The following LRIG2 variants were observed in gnomAD, a reference collection of about 807,000 sequenced individuals.
LRIG2 encodes leucine rich repeats and immunoglobulin like domains 2, also known as leucine-rich repeats and immunoglobulin-like domains protein 2.
A neutral mutation model predicts 107.8 loss-of-function variants in LRIG2; 93 were observed. The ratio of observed to expected loss-of-function variants is 0.86; its 90% CI spans 0.73 to 1.03. The LOEUF (loss-of-function observed/expected upper bound fraction) is 1.03. LRIG2 is among the 50% of genes least tolerant of loss of function. The pLI is 0.00. For synonymous variants in LRIG2, 471 were observed against 470.6 expected (o/e 1.00, Z -0.01); for missense variants, 1,226 against 1,296.0 (o/e 0.95, Z 0.83).
chr1:113,075,822 A>C (rs986195144), intron 1 of LRIG2, among the ~76,000 whole-genome samples: 1 of 147,010 alleles, frequency 6.8e-6, no homozygotes, highest in Non-Finnish European at 1.5e-5. Context: ...CAGCCTCCCA[A>C]GTAGCTGGGA....
chr1:113,085,763 A>G (rs377284568), intron 1 of LRIG2, among the ~76,000 whole-genome samples: 5 of 152,228 alleles, frequency 3.3e-5, no homozygotes, highest in East Asian at 3.9e-4. Context: ...ATTGATTAGA[A>G]ACAAATTTTG....
intron 13 of LRIG2, 81 bp downstream of exon 13, chr1:113,110,643 C>A: frequency 1.0e-6 from 1 of 988,924 alleles, no homozygotes; most frequent in Non-Finnish European, 1.5e-6. Flanking sequence ...GAGAATTAGA[C>A]TAAATCTGAC....
At chr1:113,090,855 ATT>A (rs1553227328) in intron 1 of LRIG2, among the ~76,000 whole-genome samples, 1 of 141,032 alleles carries the variant, frequency 7.1e-6, no homozygotes, top group Non-Finnish European at 1.6e-5. Flanking sequence ...AAACAAAAAA[ATT>A]TTTTTTTTTT....
At chr1:113,088,962 A>T (rs777879270) in intron 1 of LRIG2, among the ~76,000 whole-genome samples, 1 of 152,188 alleles carries the variant, frequency 6.6e-6, no homozygotes, top group Non-Finnish European at 1.5e-5. Context: ...CCTTGAGCTG[A>T]TACCTTGTGC....
chr1:113,084,171 C>T (rs962849907), intron 1 of LRIG2, among the ~76,000 whole-genome samples: 1 of 147,390 alleles, frequency 6.8e-6, no homozygotes, highest in African/African-American at 2.5e-5. Context: ...GCAATTTTTG[C>T]TTATTGAATG....
intron 1 of LRIG2, among the ~76,000 whole-genome samples, chr1:113,082,809 A>G (rs1220342527): frequency 1.3e-5 from 2 of 152,186 alleles, no homozygotes; most frequent in Non-Finnish European, 2.9e-5. Context: ...GCTTGCCACC[A>G]TGCCTGACTA....
In LRIG2 at chr1:113,107,598, C is replaced by T. The variant is rs1182599712; in HGVS notation, c.1318C>T (p.Leu440=). The T allele has an allele frequency of 1.9e-6, 3 of 1,606,986 alleles. No homozygotes were observed. Among genetic ancestry groups the T allele is most frequent in the African/African-American group, 1.3e-5 (1 of 74,504 alleles). Residue 440 remains leucine, a synonymous_variant, in exon 12 of 18, where the codon CTG becomes TTG. Coordinates refer to ENST00000361127, the MANE Select transcript of LRIG2 (RefSeq NM_014813.3). Reference sequence around the variant, plus strand: ...TTCCTCTTTTCTTTCCTGCAGGATTCTGAACACAAGCAGTTTGCTCTGTGA... The same window carrying T: ...TTCCTCTTTTCTTTCCTGCAGGATTTTGAACACAAGCAGTTTGCTCTGTGA... ...FSQTHLKELI[L]NTSSLLCDCH...
chr1:113,094,982 A>ATTT, intron 6 of LRIG2, among the ~76,000 whole-genome samples: 1 of 50,516 alleles, frequency 2.0e-5, no homozygotes, highest in East Asian at 5.4e-4. Flanking sequence ...ATATATATAT[A>ATTT]TATTTTTTTT....
intron 11 of LRIG2, among the ~76,000 whole-genome samples, chr1:113,106,702 G>C (rs1005831223): frequency 6.6e-6 from 1 of 151,860 alleles, no homozygotes; most frequent in South Asian, 2.1e-4. Flanking sequence ...ATAGGGTTTC[G>C]CCATGTTGGC....
intron 12 of LRIG2, among the ~76,000 whole-genome samples, chr1:113,109,340 T>A (rs908399046): frequency 6.6e-5 from 10 of 152,242 alleles, no homozygotes; most frequent in African/African-American, 2.4e-4. Context: ...TATTAGCCAG[T>A]CCTAAGCCAA....
At position 113,073,487 on chromosome 1, in the gene LRIG2, T is replaced by G; in HGVS notation, c.81T>G (p.Ile27Met). Residue 27 changes from isoleucine (I) to methionine (M), a missense_variant, in exon 1 of 18, where the codon ATT becomes ATG. Coordinates refer to ENST00000361127, the MANE Select transcript of LRIG2 (RefSeq NM_014813.3). ...RSRVLSRLLF[I>M]AQTALLLLPA... ...GAGTGCTTTCTCGGTTACTCTTCAT[T>G]GCCCAGACCGCTCTCCTCCTGTTGC... 1 of 1,614,144 alleles carries G rather than the reference T, an allele frequency of 6.2e-7. No individual in the cohort carries two copies. The highest frequency in any genetic ancestry group is 1.3e-5 in the African/African-American group (1 of 75,058).
intron 15 of LRIG2, among the ~76,000 whole-genome samples, chr1:113,115,709 G>A (rs1654978279): frequency 6.6e-6 from 1 of 151,856 alleles, no homozygotes; most frequent in South Asian, 2.1e-4. Context: ...TGTATTTTTA[G>A]TTGAGACGGG....
chr1:113,094,078 A>G (rs1016753911), intron 4 of LRIG2, among the ~76,000 whole-genome samples: 6 of 152,216 alleles, frequency 3.9e-5, no homozygotes, highest in African/African-American at 1.2e-4. Flanking sequence ...CTTACTGTAT[A>G]TAATGATAAT....
intron 1 of LRIG2, among the ~76,000 whole-genome samples, chr1:113,090,873 A>G (rs559737853): frequency 6.6e-6 from 1 of 150,478 alleles, no homozygotes; most frequent in East Asian, 2.0e-4. Context: ...TTTTTTTGAG[A>G]CAGAATCTTG....
In LRIG2 at chr1:113,130,863, C is replaced by T. The variant is rs1299678546; in HGVS notation, c.*6762C>T. The T allele has an allele frequency of 6.6e-6, 1 of 152,180 alleles. No homozygotes were observed. Among genetic ancestry groups the T allele is most frequent in the African/African-American group, 2.4e-5 (1 of 41,450 alleles). The allele number at this position is 152,180 out of a possible 1,614,324, so 9.4% of individuals were successfully genotyped here. ...TTCTGAAGAAATCTATAAGTAGTTA[C>T]TGGCATAAATGGTATTACTATACTA... On this transcript the variant is annotated 3_prime_UTR_variant, in exon 18 of 18. Transcript: ENST00000361127.
At chr1:113,122,416 TA>T (rs1309996852) in intron 17 of LRIG2, among the ~76,000 whole-genome samples, 1 of 152,154 alleles carries the variant, frequency 6.6e-6, no homozygotes, top group Admixed American at 6.5e-5. Context: ...CAAAGACTTC[TA>T]AAGAGGTACA....
chr1:113,100,053 A>G (rs574695108), intron 9 of LRIG2, among the ~76,000 whole-genome samples, 158 bp from the exon 10 acceptor site: 264 of 152,338 alleles, frequency 1.7e-3, no homozygotes, highest in Non-Finnish European at 2.8e-3. Context: ...TACACATTAA[A>G]TATGTGTAGT....
chr1:113,094,013 GT>G (rs926084551), intron 4 of LRIG2, among the ~76,000 whole-genome samples: 2 of 150,670 alleles, frequency 1.3e-5, no homozygotes, highest in African/African-American at 2.4e-5. Flanking sequence ...AATTTTGTTT[GT>G]TTTTTTTTGA....
At chr1:113,091,604 A>G (rs1264062596) in intron 2 of LRIG2, among the ~76,000 whole-genome samples, 1 of 152,198 alleles carries the variant, frequency 6.6e-6, no homozygotes, top group African/African-American at 2.4e-5. Flanking sequence ...TGTGGGGGAA[A>G]TATTCTACCT....
Sources: allele counts gnomAD v4.1 joint callset (sites outside exome capture counted in the v4.1 genomes callset), GRCh38; gene constraint gnomAD v4.1.1; transcripts MANE v1.5; gene names NCBI Gene and HGNC (gene_info 2026-07-23, HGNC 2026-07-21).